The following DNMBP variants were observed in gnomAD, a reference collection of about 807,000 sequenced individuals.
DNMBP encodes dynamin binding protein.
DNMBP carries 87 observed loss-of-function variants against 150.0 expected under a neutral mutation model. The ratio of observed to expected loss-of-function variants is 0.58; its 90% CI spans 0.49 to 0.69. The LOEUF (loss-of-function observed/expected upper bound fraction) is 0.69. Among genes scored for constraint, DNMBP ranks in the 30% least tolerant of loss-of-function variants. The pLI is 0.00. For synonymous variants in DNMBP, 711 were observed against 750.4 expected, an observed-to-expected ratio of 0.95 and a Z score of 0.86; for missense variants, 1,774 against 1,949.0, an observed-to-expected ratio of 0.91 and a Z score of 1.69.
intron 1 of DNMBP, among the ~76,000 whole-genome samples, chr10:99,998,041 C>T (rs1288420801): frequency 1.3e-5 from 2 of 150,676 alleles, no homozygotes; most frequent in East Asian, 3.9e-4. Context: ...CAAGACCATC[C>T]TGGCTAACAC....
chr10:99,986,579 A>G, intron 1 of DNMBP, among the ~76,000 whole-genome samples: 1 of 139,004 alleles, frequency 7.2e-6, no homozygotes, highest in Non-Finnish European at 1.5e-5. Flanking sequence ...TGGGAGACAG[A>G]GCAAGACTCC....
chr10:99,955,820 G>T lies in DNMBP; in HGVS notation c.1654C>A (p.Leu552Met), dbSNP rs914571786. Residue 552 changes from leucine (L) to methionine (M), a missense_variant, in exon 4 of 17, where the codon CTG (leucine) becomes ATG (methionine). By Grantham distance (15) the Leu-to-Met change is conservative. Coordinates refer to ENST00000324109, the MANE Select transcript of DNMBP (RefSeq NM_015221.4). ...TCAAACTCGATCAGCTGTTGTGTCAGCTTCGAGTCCAGGTCAGTGCTGCCG... is the reference window on the plus strand; with the variant it reads ...TCAAACTCGATCAGCTGTTGTGTCATCTTCGAGTCCAGGTCAGTGCTGCCG... ...GDGSTDLDSK[L>M]TQQLIEFEKS... 9 of 1,614,148 alleles carry T rather than the reference G, an allele frequency of 5.6e-6. No individual in the cohort carries two copies. The African/African-American group carries it at 1.1e-4, about 19-fold the overall frequency.
intron 4 of DNMBP, among the ~76,000 whole-genome samples, chr10:99,910,340 G>C (rs536799154): frequency 6.6e-6 from 1 of 152,132 alleles, no homozygotes; most frequent in Admixed American, 6.6e-5. Context: ...TCAGGAGTTC[G>C]AGACCAGCCT....
At chr10:99,958,965 G>T (rs1013185785) in intron 3 of DNMBP, among the ~76,000 whole-genome samples, 2 of 152,190 alleles carry the variant, frequency 1.3e-5, no homozygotes, top group Non-Finnish European at 2.9e-5. Flanking sequence ...TATTTGAAAA[G>T]ACTATTAAAA....
At chr10:99,958,629 T>A (rs145114707) in intron 3 of DNMBP, among the ~76,000 whole-genome samples, 1 of 152,356 alleles carries the variant, frequency 6.6e-6, no homozygotes, top group East Asian at 1.9e-4. Context: ...TCTACTACCA[T>A]GGGCTTGGCA....
chr10:99,877,100 TCGGC>T lies in DNMBP; in HGVS notation c.*47_*50del. ...CCCTCTCGGTGGGCCGCCAGAACCC[TCGGC>T]GGACTGAAAGCAAAGGCAGCAAGGC... On this transcript the variant is annotated 3_prime_UTR_variant, in exon 17 of 17. Transcript: ENST00000324109. 1.5e-6 allele frequency: 2 copies of T among 1,370,666 alleles called. No individual in the cohort carries two copies. The highest frequency in any genetic ancestry group is 1.7e-5 in the South Asian group (1 of 58,884). 84.9% of individuals were successfully genotyped at this position (1,370,666 alleles called of 1,614,324 possible).
intron 4 of DNMBP, among the ~76,000 whole-genome samples, chr10:99,915,545 C>A (rs1006093285): frequency 2.6e-5 from 4 of 151,662 alleles, no homozygotes; most frequent in African/African-American, 9.7e-5. Context: ...TCAGTCTCTA[C>A]AAAACAAACA....
rs755559430 is a variant in DNMBP, at chr10:99,956,275, G to C, written c.1199C>G (p.Ser400Cys). ...TACTTCTGTAGGGTCAGATGTGGGA[G>C]AGTCTGTGGCAAGAGGCATTTCCCA... ...VEWEMPLATD[S>C]PTSDPTEVVN... is the part of the protein sequence containing the mutation. Residue 400 changes from serine (S) to cysteine (C), a missense_variant, in exon 4 of 17, where the codon TCT becomes TGT. Around this residue, in one of 2 missense-constraint regions of DNMBP, gnomAD observed 1,430 missense variants for 1,492.5 expected, o/e 0.96. Coordinates refer to ENST00000324109, the MANE Select transcript of DNMBP (RefSeq NM_015221.4). 6.2e-7 allele frequency: 1 copy of C among 1,613,788 alleles called. No homozygotes were observed. The highest frequency in any genetic ancestry group is 1.1e-5 in the South Asian group (1 of 91,030).
chr10:99,879,796 C>G lies in DNMBP; in HGVS notation c.4548+15G>C. On this transcript the variant is annotated intron_variant, in intron 16 of 16. Transcript: ENST00000324109. ...TGCCGCCTGTGCCACAGTGGCAGGC[C>G]TCTTACGCACTCACCTGGTTGCCTT... 6.2e-7 allele frequency: 1 copy of G among 1,611,896 alleles called. No individual in the cohort carries two copies. The highest frequency in any genetic ancestry group is 8.5e-7 in the Non-Finnish European group (1 of 1,178,308).
chr10:99,980,740 G>A (rs2133365243), intron 1 of DNMBP, among the ~76,000 whole-genome samples: 1 of 145,138 alleles, frequency 6.9e-6, no homozygotes, highest in Middle Eastern at 3.4e-3. Context: ...AGGAGATTGA[G>A]GCTGCCATGA....
chr10:99,877,090 G>GTAACAT lies in DNMBP; in HGVS notation c.*60_*61insATGTTA. On this transcript the variant is annotated 3_prime_UTR_variant, in exon 17 of 17. Transcript: ENST00000324109. ...GGAGCAGGCGCCCTCTCGGTGGGCC[G>GTAACAT]CCAGAACCCTCGGCGGACTGAAAGC... The GTAACAT allele has an allele frequency of 7.2e-7, 1 of 1,396,742 alleles. No individual in the cohort carries two copies. Among genetic ancestry groups the GTAACAT allele is most frequent in the Non-Finnish European group, 9.4e-7 (1 of 1,059,152 alleles). 86.5% of individuals were successfully genotyped at this position (1,396,742 alleles called of 1,614,324 possible).
intron 4 of DNMBP, among the ~76,000 whole-genome samples, chr10:99,933,872 G>T (rs2040191850): frequency 1.3e-5 from 2 of 152,172 alleles, no homozygotes; most frequent in South Asian, 4.1e-4. Flanking sequence ...CAGCAGCTGG[G>T]ACTACAGGCG....
intron 4 of DNMBP, chr10:99,930,419 C>T (rs1428600730): frequency 1.3e-5 from 9 of 702,914 alleles, no homozygotes; most frequent in Admixed American, 2.0e-5. Context: ...AATTATCCTT[C>T]GTCCCAGGGC....
At chr10:99,976,280 G>T (rs573856522) in intron 1 of DNMBP, among the ~76,000 whole-genome samples, 1 of 152,090 alleles carries the variant, frequency 6.6e-6, no homozygotes, top group Non-Finnish European at 1.5e-5. Context: ...TCAAAACCTG[G>T]TTAACTTTGA....
chr10:99,959,392 G>A (rs565274401), intron 3 of DNMBP, among the ~76,000 whole-genome samples: 6 of 152,078 alleles, frequency 3.9e-5, no homozygotes, highest in Non-Finnish European at 7.4e-5. Flanking sequence ...AGGCTGAGGC[G>A]GGAGAGTCAC....
intron 11 of DNMBP, 100 bp downstream of exon 11, chr10:99,894,846 C>A: frequency 1.1e-6 from 1 of 870,460 alleles, no homozygotes; most frequent in Non-Finnish European, 1.8e-6. Flanking sequence ...TAATTTGAGT[C>A]CAGATTACTC....
Position 99,956,329 on chromosome 10 carries a change from C to G in DNMBP, c.1145G>C (p.Gly382Ala). 1 of 1,613,916 alleles carries G rather than the reference C, an allele frequency of 6.2e-7. No homozygotes were observed. The highest frequency in any genetic ancestry group is 8.5e-7 in the Non-Finnish European group (1 of 1,179,992). ...RNSYQDEDTAGGPPRSPGVEW... is the reference protein window; with the variant it reads ...RNSYQDEDTAAGPPRSPGVEW... Reference sequence around the variant, plus strand: ...CACGCCTGGGCTTCTCGGGGGCCCTCCTGCGGTGTCCTCGTCCTGATAAGA... The same window carrying G: ...CACGCCTGGGCTTCTCGGGGGCCCTGCTGCGGTGTCCTCGTCCTGATAAGA... Residue 382 changes from glycine (G) to alanine (A), a missense_variant, in exon 4 of 17, where the codon GGA becomes GCA. This residue lies in a region of DNMBP where 1,430 missense variants were observed against 1,492.5 expected (regional missense o/e 0.96). Transcript: ENST00000324109.
intron 4 of DNMBP, among the ~76,000 whole-genome samples, chr10:99,942,086 GTCTCCTTGCT>G (rs773053026): frequency 2.0e-5 from 3 of 152,102 alleles, no homozygotes; most frequent in Non-Finnish European, 2.9e-5. Context: ...AGCTGAACCA[GTCTCCTTGCT>G]TTTCCTCAAA....
At chr10:99,930,861 T>G in intron 4 of DNMBP, 2 of 583,478 alleles carry the variant, frequency 3.4e-6, no homozygotes, top group Non-Finnish European at 6.1e-6. Context: ...GGATTTGTCC[T>G]GCTTAAAATG....
Sources: allele counts gnomAD v4.1 joint callset (sites outside exome capture counted in the v4.1 genomes callset), GRCh38; gene constraint gnomAD v4.1.1; regional missense constraint gnomAD v4.1.1; transcripts MANE v1.5; gene names NCBI Gene and HGNC (gene_info 2026-07-23, HGNC 2026-07-21).